ACAD10: variants seen among roughly 807,000 people sequenced by gnomAD.
ACAD10 encodes acyl-CoA dehydrogenase family member 10.
In ACAD10, 112 loss-of-function variants were observed where a neutral mutation model predicts 116.8. That is an observed-to-expected ratio of 0.96 (90% CI 0.82 to 1.12). The LOEUF is 1.12. Among genes scored for constraint, ACAD10 ranks in the 50% most tolerant of loss-of-function variants. The pLI is 0.00. For missense variants in ACAD10, 1,259 were observed against 1,350.2 expected, an observed-to-expected ratio of 0.93 and a Z score of 1.06; for synonymous variants, 486 against 510.6, an observed-to-expected ratio of 0.95 and a Z score of 0.65.
intron 5 of ACAD10, among the ~76,000 whole-genome samples, chr12:111,711,629 A>G (rs1667531770): frequency 6.8e-6 from 1 of 146,522 alleles, no homozygotes; most frequent in African/African-American, 2.6e-5. Flanking sequence ...GGTTCGCACC[A>G]TTCTCCTGCC....
intron 18 of ACAD10, chr12:111,753,436 T>C (rs921621556): frequency 1.6e-4 from 80 of 501,094 alleles, no homozygotes; most frequent in African/African-American, 1.2e-3. Context: ...GGTCAGATGC[T>C]GGCTCAGATC....
Position 111,731,380 on chromosome 12 carries a change from C to G in ACAD10, c.1394+1424C>G, listed in dbSNP as rs1889380699. ...CCATCTTCTTTCTCCACTTGGGATTCTAGAGCACTTGCCTGACAACACTTT... is the reference window on the plus strand; with the variant it reads ...CCATCTTCTTTCTCCACTTGGGATTGTAGAGCACTTGCCTGACAACACTTT... On this transcript the variant is annotated intron_variant, in intron 10 of 20. Transcript: ENST00000313698. 2.6e-5 allele frequency among the ~76,000 whole-genome samples: 4 copies of G among 152,254 alleles called. No individual in the cohort carries two copies. In the South Asian group the frequency reaches 8.3e-4, roughly 31 times the overall value.
At chr12:111,707,750 C>G (rs1056186909) in intron 4 of ACAD10, among the ~76,000 whole-genome samples, 4 of 152,188 alleles carry the variant, frequency 2.6e-5, no homozygotes, top group Admixed American at 6.5e-5. Context: ...ATTACCTTAG[C>G]CCTACATCTG....
At chr12:111,694,996 C>A (rs1322720026) in intron 2 of ACAD10, among the ~76,000 whole-genome samples, 1 of 152,092 alleles carries the variant, frequency 6.6e-6, no homozygotes, top group African/African-American at 2.4e-5. Flanking sequence ...CCACTGCACT[C>A]CAGCCTGGGT....
At chr12:111,752,990 G>C (rs1048578389) in intron 18 of ACAD10, 2 of 158,972 alleles carry the variant, frequency 1.3e-5, no homozygotes, top group African/African-American at 4.8e-5. Flanking sequence ...CAAAAAATTG[G>C]AAAGTTAGCT....
chr12:111,745,083 T>C, intron 13 of ACAD10, 40 bp downstream of exon 13: 1 of 1,580,508 alleles, frequency 6.3e-7, no homozygotes, highest in Non-Finnish European at 8.6e-7. Flanking sequence ...CCCAATACCA[T>C]GGCATACCCT....
chr12:111,743,854 C>G (rs918541964), intron 12 of ACAD10, among the ~76,000 whole-genome samples: 2 of 152,102 alleles, frequency 1.3e-5, no homozygotes, highest in African/African-American at 4.8e-5. Context: ...TCAAGCGATT[C>G]TCATGCCTTA....
chr12:111,716,715 G>A (rs1183109857), intron 7 of ACAD10, among the ~76,000 whole-genome samples: 1 of 152,024 alleles, frequency 6.6e-6, no homozygotes, highest in Non-Finnish European at 1.5e-5. Flanking sequence ...AATTAGTTGG[G>A]TGTGGTGGCA....
In ACAD10 at chr12:111,749,296, T is replaced by C. The variant is rs1303321431; in HGVS notation, c.2768T>C (p.Met923Thr). Residue 923 changes from methionine (M) to threonine (T), a missense_variant, in exon 18 of 21, where the codon ATG becomes ACG. Coordinates refer to ENST00000313698, the MANE Select transcript of ACAD10 (RefSeq NM_025247.6). ...RLGPGRIHHC[M>T]RLIGFSERAL... The stretch of plus-strand genomic sequence containing the variant: ...GGCCCCGGCAGGATCCATCACTGCA[T>C]GAGGCTGATCGGGTTCTCAGAGAGG... 1 of 1,614,018 alleles carries C rather than the reference T, an allele frequency of 6.2e-7. No individual in the cohort carries two copies. Among genetic ancestry groups the C allele is most frequent in the Admixed American group, 1.7e-5 (1 of 60,004 alleles).
At position 111,745,044 on chromosome 12, in the gene ACAD10, G is replaced by A; in HGVS notation, c.2115+1G>A. The stretch of plus-strand genomic sequence containing the variant: ...CTCCCCACTGATCGAAGACCTCAAG[G>A]TAAAGCAGCCATGGTGAGGTGGTAA... On this transcript the variant is annotated splice_donor_variant, in intron 13 of 20. Coordinates refer to ENST00000313698, the MANE Select transcript of ACAD10 (RefSeq NM_025247.6). LOFTEE classifies it high-confidence loss of function. 1.2e-6 allele frequency: 2 copies of A among 1,610,592 alleles called. No individual in the cohort carries two copies. Among genetic ancestry groups the A allele is most frequent in the Non-Finnish European group, 1.7e-6 (2 of 1,178,630 alleles).
At chr12:111,749,607 G>GT (rs1412073321) in intron 18 of ACAD10, 17 of 509,540 alleles carry the variant, frequency 3.3e-5, no homozygotes, top group Non-Finnish European at 6.0e-5. Context: ...AGGTTCCAAG[G>GT]TGTAAAGGTC....
At position 111,702,296 on chromosome 12, in the gene ACAD10, CTT is replaced by C; in HGVS notation, c.324_325del (p.Cys109LeufsTer2). ...AEGFLREFGRLCSEMLKTSVP... is the reference protein window; with the variant it reads ...AEGFLREFGRXCSEMLKTSVP... ...GGGTTTTTTACGAGAATTTGGGAGACTTTGCTCTGAAATGGTGAGTGGTAAAC... is the reference window on the plus strand; with the variant it reads ...GGGTTTTTTACGAGAATTTGGGAGACTGCTCTGAAATGGTGAGTGGTAAAC... On this transcript the variant is annotated frameshift_variant, in exon 3 of 21. Coordinates refer to ENST00000313698, the MANE Select transcript of ACAD10 (RefSeq NM_025247.6). LOFTEE classifies it high-confidence loss of function. The C allele has an allele frequency of 1.9e-6, 3 of 1,614,036 alleles. No individual in the cohort carries two copies. Among genetic ancestry groups the C allele is most frequent in the Non-Finnish European group, 2.5e-6 (3 of 1,180,016 alleles).
At chr12:111,697,158 T>C (rs985329254) in intron 2 of ACAD10, among the ~76,000 whole-genome samples, 16 of 150,878 alleles carry the variant, frequency 1.1e-4, no homozygotes, top group Admixed American at 2.0e-4. Flanking sequence ...GGAGAATTGC[T>C]GGAACTCGGG....
Position 111,753,824 on chromosome 12 carries a change from T to C in ACAD10, c.2870T>C (p.Leu957Pro), listed in dbSNP as rs1395613713. 6.2e-7 allele frequency: 1 copy of C among 1,614,036 alleles called. No individual in the cohort carries two copies. The highest frequency in any genetic ancestry group is 1.7e-5 in the Admixed American group (1 of 60,032). Reference protein sequence around the residue: ...GKPLVEQGTVLADIAQSRVEI... With the variant: ...GKPLVEQGTVPADIAQSRVEI... ...CCCCTGGTGGAGCAGGGCACAGTGC[T>C]GGCGGACATCGCGCAGTCGCGCGTG... The change falls in exon 19 of 21, where the codon CTG becomes CCG. Residue 957 changes from leucine (L) to proline (P), a missense_variant. Physicochemically the swap from Leu to Pro is moderately conservative, Grantham distance 98 (BLOSUM62 -3). Transcript: ENST00000313698.
In ACAD10 at chr12:111,705,909, C is replaced by T. The variant is rs1205651148; in HGVS notation, c.508C>T (p.Leu170=). 1.2e-6 allele frequency: 2 copies of T among 1,613,976 alleles called. No individual in the cohort carries two copies. Among genetic ancestry groups the T allele is most frequent in the Non-Finnish European group, 1.7e-6 (2 of 1,180,024 alleles). ...TCCCAACCAGAAAAGCTTTTTGCCC[C>T]TGGACCGGAAACAGTTTGATGTGGT... is the stretch of plus-strand genomic sequence containing the variant. ...YLPNQKSFLP[L]DRKQFDVIVE... is the part of the protein sequence containing the mutation. Residue 170 remains leucine (L), a synonymous_variant, in exon 4 of 21, where the codon CTG becomes TTG. Coordinates refer to ENST00000313698, the MANE Select transcript of ACAD10 (RefSeq NM_025247.6).
chr12:111,752,935 A>G (rs916915279), intron 18 of ACAD10: 3 of 151,876 alleles, frequency 2.0e-5, no homozygotes. Flanking sequence ...CCTGAGTCTA[A>G]GAGTTTGAGA....
Sources: gnomAD v4.1 joint callset for allele counts (sites outside exome capture counted in the v4.1 genomes callset) on GRCh38, gnomAD v4.1.1 for gene constraint, MANE v1.5 for transcripts, NCBI Gene and HGNC (gene_info 2026-07-23, HGNC 2026-07-21) for gene names.